FANCB: variants seen among roughly 807,000 people sequenced by gnomAD.
The protein encoded by FANCB is FA complementation group B.
A neutral mutation model predicts 38.9 loss-of-function variants in FANCB; 5 were observed. The ratio of observed to expected loss-of-function variants is 0.13; its 90% CI spans 0.07 to 0.27. FANCB has a LOEUF of 0.27. Among genes scored for constraint, FANCB ranks in the 10% least tolerant of loss-of-function variants. The pLI is 1.00. For synonymous variants in FANCB, 236 were observed against 215.4 expected (o/e 1.10, Z -0.84); for missense variants, 573 against 602.7 (o/e 0.95, Z 0.52).
At chrX:14,813,590 A>G in the FANCB span, among the ~76,000 whole-genome samples, 1 of 111,664 alleles carries the variant, frequency 9.0e-6, no homozygotes, top group African/African-American at 3.3e-5. Flanking sequence ...TACAAAGAGA[A>G]TAAAACACTT....
the FANCB span, among the ~76,000 whole-genome samples, chrX:14,713,357 T>C: frequency 8.9e-6 from 1 of 112,202 alleles, no homozygotes; most frequent in African/African-American, 3.2e-5. Context: ...CTTAGAATTT[T>C]GTGTGTCTTT....
chrX:14,841,059 A>C (rs2092353749), downstream of FANCB, among the ~76,000 whole-genome samples: 3 of 112,488 alleles, frequency 2.7e-5, no homozygotes, highest in South Asian at 1.1e-3. Flanking sequence ...TTGTTGAGGC[A>C]GTAAAGCAAT....
the FANCB span, among the ~76,000 whole-genome samples, chrX:14,728,072 G>A: frequency 1.2e-4 from 14 of 112,321 alleles, no homozygotes; most frequent in East Asian, 3.9e-3. Flanking sequence ...GCTTTATAAA[G>A]TAGTAGTTTT....
chrX:14,871,983 G>C (rs192884064), intron 1 of FANCB, among the ~76,000 whole-genome samples: 4 of 110,879 alleles, frequency 3.6e-5, no homozygotes, highest in Middle Eastern at 9.3e-3. Context: ...CTTCTCAAAG[G>C]CTTGCAGATA....
chrX:14,740,895 T>C, the FANCB span, among the ~76,000 whole-genome samples: 2 of 111,431 alleles, frequency 1.8e-5, no homozygotes, highest in Admixed American at 1.9e-4. Flanking sequence ...TTTCACAGCA[T>C]TTGACACTTT....
At chrX:14,765,188 C>T in the FANCB span, among the ~76,000 whole-genome samples, 18 of 111,363 alleles carry the variant, frequency 1.6e-4, no homozygotes, top group Admixed American at 3.8e-4. Context: ...AGTGACCAAG[C>T]TTCCTTAAGC....
At chrX:14,721,120 CAAAAAA>C in the FANCB span, among the ~76,000 whole-genome samples, 1 of 71,718 alleles carries the variant, frequency 1.4e-5, no homozygotes. Context: ...GACCCTGTCT[CAAAAAA>C]AAAAAAAAAA....
chrX:14,853,264 T>C lies in FANCB; in HGVS notation c.1198-97A>G. 7.6e-6 allele frequency: 6 copies of C among 789,176 alleles called. No individual in the cohort carries two copies. In the South Asian group the frequency reaches 1.5e-4, roughly 19 times the overall value. 65.0% of individuals were successfully genotyped at this position (789,176 alleles called of 1,213,427 possible). On this transcript the variant is annotated intron_variant, in intron 5 of 9. Transcript: ENST00000650831. Reference sequence around the variant, plus strand: ...GAAATACTTTCTCCAAATGTGCTTATCAATTCATTTTTCTATAGAAAATAA... The same window carrying C: ...GAAATACTTTCTCCAAATGTGCTTACCAATTCATTTTTCTATAGAAAATAA...
the FANCB span, among the ~76,000 whole-genome samples, chrX:14,779,930 T>C: frequency 5.4e-5 from 6 of 111,194 alleles, no homozygotes; most frequent in African/African-American, 2.0e-4. Flanking sequence ...CTAAACATAA[T>C]TTATTGGACA....
chrX:14,750,132 C>A, the FANCB span, among the ~76,000 whole-genome samples: 378 of 112,083 alleles, frequency 3.4e-3, no homozygotes, highest in Non-Finnish European at 5.9e-3. Flanking sequence ...GCATTCAATT[C>A]CTATGATTCT....
chrX:14,737,756 G>A, the FANCB span, among the ~76,000 whole-genome samples: 2 of 112,603 alleles, frequency 1.8e-5, no homozygotes, highest in Non-Finnish European at 3.8e-5. Context: ...GTCTAGCCTT[G>A]TCAAGTTCAA....
chrX:14,810,219 A>C, the FANCB span, among the ~76,000 whole-genome samples: 11 of 111,821 alleles, frequency 9.8e-5, no homozygotes, highest in South Asian at 7.4e-4. Context: ...ATGGGGAAAA[A>C]ACAGAGCAGG....
At chrX:14,818,280 T>C in the FANCB span, among the ~76,000 whole-genome samples, 1 of 107,428 alleles carries the variant, frequency 9.3e-6, no homozygotes, top group Admixed American at 1.0e-4. Context: ...CCATGACTGC[T>C]CGTCAAAGAA....
the FANCB span, among the ~76,000 whole-genome samples, chrX:14,722,318 G>A: frequency 9.0e-6 from 1 of 111,267 alleles, no homozygotes; most frequent in Non-Finnish European, 1.9e-5. Context: ...GCTTTTCCAT[G>A]TGATTTCTCC....
the FANCB span, among the ~76,000 whole-genome samples, chrX:14,822,242 G>A: frequency 2.7e-5 from 3 of 110,648 alleles, no homozygotes; most frequent in Non-Finnish European, 5.7e-5. Context: ...AGGGTGACAG[G>A]TTTCTCTGTA....
chrX:14,739,416 TTTC>T, the FANCB span, among the ~76,000 whole-genome samples: 16 of 111,731 alleles, frequency 1.4e-4, no homozygotes, highest in Admixed American at 1.3e-3. Flanking sequence ...GCACAATTTG[TTTC>T]TTAACTCCTC....
At chrX:14,777,960 T>C in the FANCB span, among the ~76,000 whole-genome samples, 1 of 112,148 alleles carries the variant, frequency 8.9e-6, no homozygotes, top group Non-Finnish European at 1.9e-5. Flanking sequence ...GCTTGCAGCA[T>C]GGCCCTCCAA....
the FANCB span, among the ~76,000 whole-genome samples, chrX:14,825,405 T>G: frequency 2.0e-4 from 22 of 112,156 alleles, no homozygotes; most frequent in African/African-American, 7.1e-4. Context: ...TCTGTGTTTC[T>G]GTTTAAGTAT....
chrX:14,829,452 T>C, the FANCB span, among the ~76,000 whole-genome samples: 1 of 111,541 alleles, frequency 9.0e-6, no homozygotes, highest in East Asian at 2.8e-4. Flanking sequence ...AGCCAGGCAT[T>C]GACTTCTCTC....
Sources: allele counts gnomAD v4.1 joint callset (sites outside exome capture counted in the v4.1 genomes callset), GRCh38; gene constraint gnomAD v4.1.1; transcripts MANE v1.5; gene names NCBI Gene and HGNC (gene_info 2026-07-23, HGNC 2026-07-21).